PFKFB3: variants seen among roughly 807,000 people sequenced by gnomAD.
PFKFB3 encodes the protein 6-phosphofructo-2-kinase/fructose-2,6-biphosphatase 3.
PFKFB3 carries 33 observed loss-of-function variants against 68.0 expected under a neutral mutation model. That is an observed-to-expected ratio of 0.49 (90% CI 0.37 to 0.65). The LOEUF is 0.65. Among genes scored for constraint, PFKFB3 ranks in the 30% least tolerant of loss-of-function variants. PFKFB3 has a pLI of 0.00. For missense variants in PFKFB3, 586 were observed against 712.2 expected (o/e 0.82, Z 2.02); for synonymous variants, 315 against 288.2 (o/e 1.09, Z -0.94).
chr10:6,145,171 T>C (rs1402704731), intron 1 of PFKFB3, among the ~76,000 whole-genome samples: 2 of 151,842 alleles, frequency 1.3e-5, no homozygotes, highest in African/African-American at 2.4e-5. Flanking sequence ...GCGCTCCGCC[T>C]TGTCCCCTCC....
At chr10:6,207,311 C>G (rs992161866) in intron 1 of PFKFB3, among the ~76,000 whole-genome samples, 1 of 152,192 alleles carries the variant, frequency 6.6e-6, no homozygotes, top group Non-Finnish European at 1.5e-5. Context: ...GGCGGCGCCT[C>G]CTGCAATCGC....
downstream of PFKFB3, among the ~76,000 whole-genome samples, chr10:6,237,482 A>T (rs1216863737): frequency 6.6e-6 from 1 of 152,272 alleles, no homozygotes; most frequent in Non-Finnish European, 1.5e-5. Flanking sequence ...GTTGAAAGTA[A>T]CTTTTTTTGA....
intron 1 of PFKFB3, among the ~76,000 whole-genome samples, chr10:6,209,542 C>T (rs1430853953): frequency 4.6e-5 from 7 of 151,754 alleles, no homozygotes; most frequent in Admixed American, 6.6e-5. Flanking sequence ...GGTACAATCT[C>T]GGCTCACTGC....
At chr10:6,172,097 C>T (rs3814193) in intron 1 of PFKFB3, among the ~76,000 whole-genome samples, 1,651 of 152,334 alleles carry the variant, frequency 0.011, 69 homozygotes, top group East Asian at 0.099. Flanking sequence ...CGCATTCTCC[C>T]GGAACACCCT....
intron 6 of PFKFB3, 34 bp from the exon 7 acceptor site, chr10:6,219,535 G>T (rs77088483): frequency 2.0e-5 from 32 of 1,613,302 alleles, no homozygotes; most frequent in Non-Finnish European, 2.7e-5. Context: ...GCCTTCCAGC[G>T]TGATTTATCA....
the PFKFB3 span, among the ~76,000 whole-genome samples, chr10:6,296,636 C>T: frequency 6.6e-6 from 1 of 152,208 alleles, no homozygotes; most frequent in Non-Finnish European, 1.5e-5. Flanking sequence ...GGGTTCCTCC[C>T]CTTTTTAGAC....
At chr10:6,175,503 A>G (rs755359505) in intron 1 of PFKFB3, among the ~76,000 whole-genome samples, 4 of 152,350 alleles carry the variant, frequency 2.6e-5, no homozygotes, top group Admixed American at 6.5e-5. Flanking sequence ...GCAGGCGCCA[A>G]CTAGCCCGGA....
intron 1 of PFKFB3, among the ~76,000 whole-genome samples, chr10:6,210,049 G>GTGCGC (rs1204853552): frequency 2.4e-4 from 30 of 123,150 alleles, no homozygotes; most frequent in Admixed American, 5.1e-4. Flanking sequence ...ACCGTGCCCG[G>GTGCGC]CCTAATACTT....
At chr10:6,286,223 C>T in the PFKFB3 span, among the ~76,000 whole-genome samples, 1 of 152,158 alleles carries the variant, frequency 6.6e-6, no homozygotes, top group African/African-American at 2.4e-5. Flanking sequence ...GTGATCTGCC[C>T]ACCTCGGCCT....
chr10:6,200,812 C>T (rs1657744515), upstream of PFKFB3, among the ~76,000 whole-genome samples: 1 of 152,094 alleles, frequency 6.6e-6, no homozygotes, highest in South Asian at 2.1e-4. Flanking sequence ...GAAAAGTGCC[C>T]GGTCTGCGAA....
Position 6,213,638 on chromosome 10 carries a change from T to A in PFKFB3, c.92T>A (p.Leu31Gln). The A allele has an allele frequency of 6.2e-7, 1 of 1,612,946 alleles. No homozygotes were observed. Among genetic ancestry groups the A allele is most frequent in the Non-Finnish European group, 8.5e-7 (1 of 1,179,524 alleles). The stretch of plus-strand genomic sequence containing the variant: ...GTTTTTCCAGCCTGTGGGCCAAAGC[T>A]GACCAACTCCCCCACCGTCATCGTC... ...PSLPRSCGPK[L>Q]TNSPTVIVMV... Residue 31 changes from leucine (L) to glutamine (Q), a missense_variant, in exon 2 of 15, where the codon CTG becomes CAG. Physicochemically the swap from Leu to Gln is moderately radical, Grantham distance 113. Coordinates refer to ENST00000379775, the MANE Select transcript of PFKFB3 (RefSeq NM_004566.4).
chr10:6,323,730 T>A, the PFKFB3 span, among the ~76,000 whole-genome samples: 2 of 152,142 alleles, frequency 1.3e-5, no homozygotes, highest in Non-Finnish European at 2.9e-5. Context: ...CCGAAGCCAA[T>A]GACTGTTATC....
upstream of PFKFB3, among the ~76,000 whole-genome samples, chr10:6,200,682 GTGGTGGTGGGGC>G (rs1843316913): frequency 3.0e-5 from 3 of 101,430 alleles, no homozygotes; most frequent in Admixed American, 9.3e-5. Context: ...GGGGCGGGGG[GTGGTGGTGGGGC>G]GGGGATTGAG....
At chr10:6,165,031 A>G (rs1842087258) in intron 1 of PFKFB3, among the ~76,000 whole-genome samples, 1 of 151,978 alleles carries the variant, frequency 6.6e-6, no homozygotes, top group Non-Finnish European at 1.5e-5. Flanking sequence ...TTCTCAGTAC[A>G]GACCCTTTAC....
chr10:6,151,915 C>G (rs2131680499), intron 1 of PFKFB3, among the ~76,000 whole-genome samples: 1 of 150,646 alleles, frequency 6.6e-6, no homozygotes, highest in South Asian at 2.1e-4. Context: ...CTCGGAAGGA[C>G]AGAACCGCCC....
chr10:6,213,081 G>A (rs908613963), intron 1 of PFKFB3, among the ~76,000 whole-genome samples: 1 of 152,126 alleles, frequency 6.6e-6, no homozygotes, highest in African/African-American at 2.4e-5. Context: ...AGCGCCCTGG[G>A]TATCAGCTCA....
chr10:6,179,493 G>A (rs1304906458), intron 1 of PFKFB3, among the ~76,000 whole-genome samples: 2 of 152,352 alleles, frequency 1.3e-5, no homozygotes, highest in East Asian at 3.9e-4. Context: ...GGGGGAGGCT[G>A]TAAAATAGAT....
At chr10:6,214,485 T>TGG (rs577192699) in intron 2 of PFKFB3, among the ~76,000 whole-genome samples, 1 of 151,926 alleles carries the variant, frequency 6.6e-6, no homozygotes, top group African/African-American at 2.4e-5. Context: ...CCCAACTAGA[T>TGG]GGGGAACATC....
rs138567015 is a variant in PFKFB3, at chr10:6,242,908, T to G, written c.1516-11270T>G. ...CGGCCTAAACATTTTATTTCTATAA[T>G]TTACTTTATAGCAGATTCAGTTACT... On this transcript the variant is annotated intron_variant, in intron 14 of 14. Transcript: ENST00000640683. Among the ~76,000 whole-genome samples, 1,033 of 152,348 alleles carry G rather than the reference T, an allele frequency of 6.8e-3. 9 individuals are homozygous for G. The highest frequency in any genetic ancestry group is 0.044 in the Middle Eastern group (13 of 294).
Sources: gnomAD v4.1 joint callset for allele counts (sites outside exome capture counted in the v4.1 genomes callset) on GRCh38, gnomAD v4.1.1 for gene constraint, MANE v1.5 for transcripts, NCBI Gene and HGNC (gene_info 2026-07-23, HGNC 2026-07-21) for gene names.